The following ADAMTSL3 variants were observed in gnomAD, a reference collection of about 807,000 sequenced individuals.
ADAMTSL3 encodes ADAMTS-like protein 3.
A neutral mutation model predicts 201.7 loss-of-function variants in ADAMTSL3; 128 were observed. The observed-to-expected ratio is 0.63, with a 90% confidence interval of 0.55 to 0.73. The LOEUF is 0.73. Among genes scored for constraint, ADAMTSL3 ranks in the 30% least tolerant of loss-of-function variants. ADAMTSL3 has a pLI of 0.00. For synonymous variants in ADAMTSL3, 738 were observed against 748.4 expected (o/e 0.99, Z 0.23); for missense variants, 1,990 against 2,119.6 (o/e 0.94, Z 1.20).
At chr15:83,845,066 C>G (rs2064467277) in intron 7 of ADAMTSL3, among the ~76,000 whole-genome samples, 1 of 152,242 alleles carries the variant, frequency 6.6e-6, no homozygotes, top group Non-Finnish European at 1.5e-5. Context: ...CGACCCATCC[C>G]TGAACCTGGA....
At position 83,949,688 on chromosome 15, in the gene ADAMTSL3, T is replaced by C. The variant is rs550694511; in HGVS notation, c.2490+6606T>C. Among the ~76,000 whole-genome samples, 3 of 152,294 alleles carry C rather than the reference T, an allele frequency of 2.0e-5. No individual in the cohort carries two copies. In the South Asian group the frequency reaches 6.2e-4, roughly 32 times the overall value. On this transcript the variant is annotated intron_variant, in intron 19 of 29. Transcript: ENST00000286744. ...CCAACATTTGTTATTGCCTGTCTTTTAGATAACAGCCATTTTAACTGGAGT... is the reference window on the plus strand; with the variant it reads ...CCAACATTTGTTATTGCCTGTCTTTCAGATAACAGCCATTTTAACTGGAGT...
rs758713721 is a variant in ADAMTSL3, at chr15:83,982,958, A to G, written c.3330A>G (p.Gly1110=). The change falls in exon 21 of 30, where the codon GGA becomes GGG. Residue 1110 remains glycine (G), a synonymous_variant. Transcript: ENST00000286744. ...ACATGAGTCAGCTCATGGAAACCGG[A>G]GAGGTCAGCGATGATCTTGCGTCCC... ...IRNMSQLMET[G]EVSDDLASQL... The G allele has an allele frequency of 1.2e-6, 2 of 1,614,164 alleles. No homozygotes were observed. Among genetic ancestry groups the G allele is most frequent in the Non-Finnish European group, 1.7e-6 (2 of 1,180,032 alleles).
chr15:83,858,860 A>C lies in ADAMTSL3; in HGVS notation c.802+20A>C. 1 of 1,574,806 alleles carries C rather than the reference A, an allele frequency of 6.3e-7. No homozygotes were observed. Among genetic ancestry groups the C allele is most frequent in the Non-Finnish European group, 8.6e-7 (1 of 1,156,954 alleles). On this transcript the variant is annotated intron_variant, in intron 8 of 29. Transcript: ENST00000286744. ...ACCTCTGTAAGTAGAATTTAATCTTAACATTTTTTAATATCCTGAAAGTTT... is the reference window on the plus strand; with the variant it reads ...ACCTCTGTAAGTAGAATTTAATCTTCACATTTTTTAATATCCTGAAAGTTT...
At chr15:83,674,177 A>T (rs915626517) in intron 2 of ADAMTSL3, among the ~76,000 whole-genome samples, 7 of 151,134 alleles carry the variant, frequency 4.6e-5, no homozygotes, top group African/African-American at 1.7e-4. Flanking sequence ...CTAAGTCCTG[A>T]AGATTTTCTC....
chr15:83,832,055 C>G (rs1417896660), intron 6 of ADAMTSL3, among the ~76,000 whole-genome samples: 1 of 152,054 alleles, frequency 6.6e-6, no homozygotes, highest in Non-Finnish European at 1.5e-5. Flanking sequence ...CACCTTTTCC[C>G]TTGAGGCAGG....
At chr15:83,925,227 G>A (rs1011812427) in intron 17 of ADAMTSL3, among the ~76,000 whole-genome samples, 5 of 152,080 alleles carry the variant, frequency 3.3e-5, no homozygotes, top group African/African-American at 7.2e-5. Flanking sequence ...TCTCCAGCCC[G>A]CACAGTCTCA....
intron 16 of ADAMTSL3, among the ~76,000 whole-genome samples, chr15:83,920,696 C>T (rs1170933269): frequency 6.6e-6 from 1 of 152,198 alleles, no homozygotes; most frequent in African/African-American, 2.4e-5. Flanking sequence ...CGTGCCCACA[C>T]TGTATGAAGC....
intron 3 of ADAMTSL3, among the ~76,000 whole-genome samples, chr15:83,764,774 T>G (rs948646642): frequency 6.6e-6 from 1 of 152,002 alleles, no homozygotes. Context: ...AAATAGCGTG[T>G]TTTAAAAATG....
At chr15:83,899,776 T>A in intron 15 of ADAMTSL3, 45 bp downstream of exon 15, 1 of 1,581,822 alleles carries the variant, frequency 6.3e-7, no homozygotes, top group Non-Finnish European at 8.6e-7. Context: ...CATAGCCAGT[T>A]AACATGATAT....
In ADAMTSL3 at chr15:83,829,113, C is replaced by T. The variant is rs894783729; in HGVS notation, c.601-8976C>T. ...TTCAGAAGGAATGGTACCAGCTCCT[C>T]CTTGTACCTCTGGAAGAATTCGGCT... On this transcript the variant is annotated intron_variant, in intron 6 of 29. Coordinates refer to ENST00000286744, the MANE Select transcript of ADAMTSL3 (RefSeq NM_207517.3). 5.3e-5 allele frequency among the ~76,000 whole-genome samples: 8 copies of T among 152,328 alleles called. No homozygotes were observed. The East Asian group carries it at 9.6e-4, about 18-fold the overall frequency.
rs1156758053 is a variant in ADAMTSL3 at position 83,886,800 on chromosome 15, G to T, written c.1072+1588G>T. On this transcript the variant is annotated intron_variant, in intron 10 of 29. Coordinates refer to ENST00000286744, the MANE Select transcript of ADAMTSL3 (RefSeq NM_207517.3). ...TGAATATGCTGTGAATATGCAGGCA[G>T]ATGTCTCTCTTCTGGAATTTAGGCT... Among the ~76,000 whole-genome samples the T allele has an allele frequency of 1.6e-4, 24 of 152,216 alleles. 1 individual carries two copies. Among genetic ancestry groups the T allele is most frequent in the Non-Finnish European group, 3.5e-4 (24 of 68,040 alleles).
intron 3 of ADAMTSL3, among the ~76,000 whole-genome samples, chr15:83,767,684 C>T (rs2062915913): frequency 6.6e-6 from 1 of 152,214 alleles, no homozygotes; most frequent in Non-Finnish European, 1.5e-5. Context: ...ACAGGTTCCA[C>T]CCTGCCGGAT....
chr15:83,668,608 T>A (rs2061282065), intron 2 of ADAMTSL3, among the ~76,000 whole-genome samples: 2 of 152,216 alleles, frequency 1.3e-5, no homozygotes, highest in African/African-American at 2.4e-5. Context: ...CTTTTTCTGT[T>A]GTCTTGAAAT....
chr15:84,019,584 C>T (rs912656431), intron 25 of ADAMTSL3, among the ~76,000 whole-genome samples: 2 of 151,858 alleles, frequency 1.3e-5, no homozygotes, highest in African/African-American at 2.4e-5. Context: ...TCTCAAAAAC[C>T]TTATGCTAAG....
chr15:83,775,000 C>T (rs1442623373), intron 4 of ADAMTSL3, among the ~76,000 whole-genome samples: 2 of 152,096 alleles, frequency 1.3e-5, no homozygotes, highest in African/African-American at 4.8e-5. Flanking sequence ...GTGCCTGCCA[C>T]CATGCCTGGC....
At chr15:83,995,700 A>G (rs192380453) in intron 23 of ADAMTSL3, among the ~76,000 whole-genome samples, 1 of 152,162 alleles carries the variant, frequency 6.6e-6, no homozygotes, top group Non-Finnish European at 1.5e-5. Flanking sequence ...CAAAGAAAAT[A>G]TACAAAGTTT....
Position 84,008,594 on chromosome 15 carries a change from C to T in ADAMTSL3, c.3974-5948C>T, listed in dbSNP as rs76381860. Among the ~76,000 whole-genome samples, 35 of 152,170 alleles carry T rather than the reference C, an allele frequency of 2.3e-4. No homozygotes were observed. In the East Asian group the frequency reaches 6.2e-3, roughly 27 times the overall value. On this transcript the variant is annotated intron_variant, in intron 23 of 29. Transcript: ENST00000286744. ...ACTACCCGAGGCCTCAGTCCTCAGA[C>T]GTTTTCTCTTCTCTATATATACTCT...
At chr15:83,741,496 A>G (rs776788354) in intron 3 of ADAMTSL3, among the ~76,000 whole-genome samples, 1 of 152,198 alleles carries the variant, frequency 6.6e-6, no homozygotes, top group Non-Finnish European at 1.5e-5. Flanking sequence ...AATGAATATC[A>G]TCCACTAGCA....
chr15:83,875,977 T>C (rs2065170482), intron 9 of ADAMTSL3, among the ~76,000 whole-genome samples: 1 of 152,108 alleles, frequency 6.6e-6, no homozygotes, highest in African/African-American at 2.4e-5. Context: ...TTAATGCCTT[T>C]TCTCTCTTTT....
Sources: allele counts gnomAD v4.1 joint callset (sites outside exome capture counted in the v4.1 genomes callset), GRCh38; gene constraint gnomAD v4.1.1; transcripts MANE v1.5; gene names NCBI Gene and HGNC (gene_info 2026-07-23, HGNC 2026-07-21).